Variants in GPHN observed in about 807,000 individuals in gnomAD.
GPHN encodes the protein gephyrin.
In GPHN, 17 loss-of-function variants were observed where a neutral mutation model predicts 95.5. That is an observed-to-expected ratio of 0.18 (90% CI 0.12 to 0.27). The LOEUF is 0.27. GPHN is among the 10% of genes least tolerant of loss of function. The pLI is 1.00. For synonymous variants in GPHN, 320 were observed against 322.5 expected, an observed-to-expected ratio of 0.99 and a Z score of 0.08; for missense variants, 660 against 978.1, an observed-to-expected ratio of 0.67 and a Z score of 4.34.
chr14:67,681,978 C>T, the GPHN span, among the ~76,000 whole-genome samples: 1 of 152,116 alleles, frequency 6.6e-6, no homozygotes, highest in African/African-American at 2.4e-5. Flanking sequence ...ATGTCACTAT[C>T]ATGGGAGTGG....
the GPHN span, chr14:67,677,591 C>T: frequency 6.6e-6 from 1 of 151,672 alleles, no homozygotes; most frequent in Non-Finnish European, 1.5e-5. Context: ...TACTTCTTCC[C>T]TGCTACCCAT....
chr14:66,588,327 C>T (rs2061504356), intron 1 of GPHN, among the ~76,000 whole-genome samples: 1 of 152,054 alleles, frequency 6.6e-6, no homozygotes, highest in Admixed American at 6.5e-5. Flanking sequence ...CAGAATGCCT[C>T]TTCTCCTCCA....
the GPHN span, among the ~76,000 whole-genome samples, chr14:67,632,869 G>A: frequency 3.8e-4 from 49 of 129,920 alleles, 1 homozygote. Flanking sequence ...CGCTCAGGCT[G>A]GAGTGCAGTG....
chr14:67,514,337 A>G, the GPHN span, among the ~76,000 whole-genome samples: 4 of 152,288 alleles, frequency 2.6e-5, no homozygotes, highest in Admixed American at 1.3e-4. Context: ...ATACCTGGGA[A>G]AGAGGCCAAT....
intron 2 of GPHN, among the ~76,000 whole-genome samples, chr14:66,742,055 T>C (rs1334605089): frequency 6.6e-6 from 1 of 152,014 alleles, no homozygotes. Flanking sequence ...GAATGCTTTA[T>C]TGAACGCTCT....
At chr14:67,122,091 A>G (rs1319752487) in intron 16 of GPHN, among the ~76,000 whole-genome samples, 165 bp from the exon 17 acceptor site, 1 of 152,102 alleles carries the variant, frequency 6.6e-6, no homozygotes, top group African/African-American at 2.4e-5. Flanking sequence ...ATCCTCCTAT[A>G]CTTTCAATAT....
At chr14:67,221,800 C>T in the GPHN span, 2 of 1,613,140 alleles carry the variant, frequency 1.2e-6, no homozygotes, top group Non-Finnish European at 1.7e-6. Flanking sequence ...CTGAATCAAA[C>T]ACTTCAGGTA....
chr14:67,047,374 T>G (rs1452095015), intron 10 of GPHN, among the ~76,000 whole-genome samples: 17 of 144,424 alleles, frequency 1.2e-4, no homozygotes, highest in Non-Finnish European at 7.5e-5. Context: ...TTGTTTTTTT[T>G]TTTTTTTTTG....
At chr14:67,298,680 C>T in the GPHN span, among the ~76,000 whole-genome samples, 1 of 152,130 alleles carries the variant, frequency 6.6e-6, no homozygotes, top group African/African-American at 2.4e-5. Context: ...ATATAATTTA[C>T]ATGCACTTAA....
the GPHN span, chr14:67,579,985 C>A: frequency 9.2e-7 from 1 of 1,083,452 alleles, no homozygotes; most frequent in Non-Finnish European, 1.3e-6. Context: ...TCATTTGGTG[C>A]TGAGCCCAAG....
chr14:66,832,801 T>G (rs919018811), intron 4 of GPHN, among the ~76,000 whole-genome samples: 1 of 152,190 alleles, frequency 6.6e-6, no homozygotes, highest in African/African-American at 2.4e-5. Flanking sequence ...GGCAAAAAGA[T>G]TTATTCAAAG....
intron 2 of GPHN, among the ~76,000 whole-genome samples, chr14:66,711,195 C>T (rs947381607): frequency 3.7e-4 from 56 of 152,138 alleles, no homozygotes; most frequent in African/African-American, 1.3e-3. Context: ...CCTCCCCCTC[C>T]ACCCTTACTC....
At chr14:67,689,442 T>C in the GPHN span, among the ~76,000 whole-genome samples, 1 of 152,144 alleles carries the variant, frequency 6.6e-6, no homozygotes, top group East Asian at 1.9e-4. Context: ...ATTTCCCTCT[T>C]ATTTGATGCT....
At chr14:67,446,765 T>C in the GPHN span, among the ~76,000 whole-genome samples, 7 of 152,204 alleles carry the variant, frequency 4.6e-5, no homozygotes, top group African/African-American at 1.7e-4. Flanking sequence ...AACAGGGTTA[T>C]ATTTAATAGG....
At chr14:67,027,739 GA>G (rs1272943973) in intron 10 of GPHN, among the ~76,000 whole-genome samples, 1 of 152,000 alleles carries the variant, frequency 6.6e-6, no homozygotes, top group Non-Finnish European at 1.5e-5. Flanking sequence ...ATGGAATTCA[GA>G]ATTTTTATTG....
chr14:67,437,538 C>T, the GPHN span, among the ~76,000 whole-genome samples: 3 of 152,110 alleles, frequency 2.0e-5, no homozygotes, highest in Admixed American at 6.5e-5. Flanking sequence ...GTCCAAACCT[C>T]ACGGCGGCTG....
At chr14:67,528,588 G>C in the GPHN span, among the ~76,000 whole-genome samples, 1 of 152,168 alleles carries the variant, frequency 6.6e-6, no homozygotes, top group African/African-American at 2.4e-5. Flanking sequence ...CAGTCAGATG[G>C]CTGGATTTAC....
chr14:67,500,925 C>T, the GPHN span, among the ~76,000 whole-genome samples: 4 of 151,874 alleles, frequency 2.6e-5, no homozygotes, highest in African/African-American at 7.2e-5. Flanking sequence ...AAGAATTAAT[C>T]GCAAATTGAC....
intron 9 of GPHN, among the ~76,000 whole-genome samples, chr14:66,975,897 A>G (rs1008580250): frequency 6.6e-6 from 1 of 152,110 alleles, no homozygotes. Flanking sequence ...AAATAAAACT[A>G]TGAGGACTAG....
Sources: allele counts gnomAD v4.1 joint callset (sites outside exome capture counted in the v4.1 genomes callset), GRCh38; gene constraint gnomAD v4.1.1; transcripts MANE v1.5; gene names NCBI Gene and HGNC (gene_info 2026-07-23, HGNC 2026-07-21).